NELL1: variants seen among roughly 807,000 people sequenced by gnomAD.
NELL1 encodes the protein protein kinase C-binding protein NELL1.
In NELL1, 76 loss-of-function variants were observed where a neutral mutation model predicts 107.4. The ratio of observed to expected loss-of-function variants is 0.71; its 90% CI spans 0.59 to 0.86. The LOEUF (loss-of-function observed/expected upper bound fraction) is 0.86, where lower values mean the gene tolerates loss of function less well. Among genes scored for constraint, NELL1 ranks in the 40% least tolerant of loss-of-function variants. The pLI is 0.00. For synonymous variants in NELL1, 353 were observed against 341.2 expected (o/e 1.03, Z -0.38); for missense variants, 1,024 against 1,005.5 (o/e 1.02, Z -0.25).
intron 12 of NELL1, among the ~76,000 whole-genome samples, chr11:21,040,407 A>G (rs1056520936): frequency 3.9e-5 from 6 of 152,106 alleles, no homozygotes; most frequent in Admixed American, 2.6e-4. Context: ...TGCTGTATTA[A>G]TTAAGTAGTT....
At chr11:21,459,144 G>A (rs1053465237) in intron 15 of NELL1, among the ~76,000 whole-genome samples, 2 of 151,964 alleles carry the variant, frequency 1.3e-5, no homozygotes, top group African/African-American at 4.8e-5. Flanking sequence ...GACTTAAAAT[G>A]TATAGGGTAG....
chr11:21,317,066 T>C (rs1849894948), intron 14 of NELL1, among the ~76,000 whole-genome samples: 1 of 152,272 alleles, frequency 6.6e-6, no homozygotes, highest in Non-Finnish European at 1.5e-5. Flanking sequence ...TAGGTTAGTA[T>C]AAATACTAGA....
At chr11:21,340,867 G>C (rs2133702611) in intron 14 of NELL1, among the ~76,000 whole-genome samples, 1 of 152,218 alleles carries the variant, frequency 6.6e-6, no homozygotes, top group African/African-American at 2.4e-5. Flanking sequence ...CTGTGAGACA[G>C]TAAATTTATG....
At chr11:20,944,841 A>G (rs1320918429) in intron 10 of NELL1, among the ~76,000 whole-genome samples, 1 of 152,220 alleles carries the variant, frequency 6.6e-6, no homozygotes, top group Non-Finnish European at 1.5e-5. Context: ...TAAATATGTT[A>G]AAGGTTGATT....
At chr11:21,011,482 C>T (rs147038117) in intron 12 of NELL1, among the ~76,000 whole-genome samples, 1 of 152,202 alleles carries the variant, frequency 6.6e-6, no homozygotes, top group Non-Finnish European at 1.5e-5. Context: ...TATGTTGGAC[C>T]AAAATAACCA....
chr11:21,561,182 T>C (rs1024146832), intron 17 of NELL1, among the ~76,000 whole-genome samples: 2 of 152,186 alleles, frequency 1.3e-5, no homozygotes, highest in Middle Eastern at 6.8e-3. Flanking sequence ...GGAACCAAGA[T>C]AAATTACTTG....
intron 2 of NELL1, among the ~76,000 whole-genome samples, chr11:20,733,869 T>A (rs940616244): frequency 1.3e-5 from 2 of 152,236 alleles, no homozygotes; most frequent in South Asian, 4.1e-4. Flanking sequence ...GTCTTTGCCC[T>A]CATGGACTTT....
In NELL1 at chr11:21,296,353, G is replaced by A. The variant is rs553607534; in HGVS notation, c.1549+66899G>A. ...ATAATTAGTTATTATTCCTGGGAGCGTAGTCTCACAATTGCAAATATTGAA... is the reference window on the plus strand; with the variant it reads ...ATAATTAGTTATTATTCCTGGGAGCATAGTCTCACAATTGCAAATATTGAA... On this transcript the variant is annotated intron_variant, in intron 14 of 19. Transcript: ENST00000357134. Among the ~76,000 whole-genome samples, 119 of 151,880 alleles carry A rather than the reference G, an allele frequency of 7.8e-4. 2 individuals carry two copies. The South Asian group carries it at 0.022, about 28-fold the overall frequency.
At chr11:21,157,162 T>TAG (rs1856259806) in intron 13 of NELL1, among the ~76,000 whole-genome samples, 2 of 86,416 alleles carry the variant, frequency 2.3e-5, no homozygotes, top group Non-Finnish European at 5.9e-5. Context: ...TATATATATA[T>TAG]GTGTGTGTGT....
chr11:20,688,768 G>C (rs1018969615), intron 2 of NELL1, among the ~76,000 whole-genome samples: 43 of 152,132 alleles, frequency 2.8e-4, no homozygotes, highest in African/African-American at 9.2e-4. Flanking sequence ...CCAGTGATGG[G>C]ATTGTGAGTC....
intron 13 of NELL1, among the ~76,000 whole-genome samples, chr11:21,141,212 A>C (rs758720529): frequency 3.0e-4 from 46 of 152,338 alleles, no homozygotes; most frequent in Non-Finnish European, 5.4e-4. Context: ...CAAATTTGAG[A>C]TCTCAAGTGC....
intron 5 of NELL1, among the ~76,000 whole-genome samples, chr11:20,905,541 C>G (rs11025809): frequency 0.92 from 140,158 of 152,182 alleles, 64,702 homozygotes; most frequent in East Asian, 1. Context: ...AAATAAGTCA[C>G]GAAAATGATG....
At chr11:21,424,319 G>T (rs1852765910) in intron 15 of NELL1, among the ~76,000 whole-genome samples, 1 of 152,052 alleles carries the variant, frequency 6.6e-6, no homozygotes, top group Non-Finnish European at 1.5e-5. Context: ...AGGATTATAG[G>T]AGAGTACTGT....
At chr11:20,801,398 T>C in intron 3 of NELL1, among the ~76,000 whole-genome samples, 1 of 152,276 alleles carries the variant, frequency 6.6e-6, no homozygotes. Flanking sequence ...CTTTCAGACC[T>C]TTTGCCCATT....
intron 14 of NELL1, among the ~76,000 whole-genome samples, chr11:21,251,207 A>G (rs1032032344): frequency 2.6e-5 from 4 of 152,128 alleles, no homozygotes; most frequent in Admixed American, 2.6e-4. Flanking sequence ...CTTACTTTTT[A>G]AAAAACAGCA....
At chr11:21,295,960 T>C (rs1031584148) in intron 14 of NELL1, among the ~76,000 whole-genome samples, 4 of 152,044 alleles carry the variant, frequency 2.6e-5, no homozygotes, top group African/African-American at 9.7e-5. Flanking sequence ...AGTCTACTGA[T>C]GAAGACTCTC....
chr11:20,942,554 A>G (rs916850697), intron 10 of NELL1, among the ~76,000 whole-genome samples: 1 of 152,192 alleles, frequency 6.6e-6, no homozygotes, highest in Non-Finnish European at 1.5e-5. Flanking sequence ...TGTTGTGTAG[A>G]TTAAATGAGA....
chr11:20,788,436 C>G (rs1162844953), intron 3 of NELL1, among the ~76,000 whole-genome samples: 1 of 152,204 alleles, frequency 6.6e-6, no homozygotes, highest in African/African-American at 2.4e-5. Context: ...TTTTGAGTTG[C>G]ATTTGCTTGA....
intron 14 of NELL1, among the ~76,000 whole-genome samples, chr11:21,282,062 C>A (rs929364133): frequency 6.6e-6 from 1 of 152,030 alleles, no homozygotes; most frequent in South Asian, 2.1e-4. Context: ...GAAAGACAAC[C>A]TACAGATGGG....
Sources: gnomAD v4.1 joint callset for allele counts (sites outside exome capture counted in the v4.1 genomes callset) on GRCh38, gnomAD v4.1.1 for gene constraint, MANE v1.5 for transcripts, NCBI Gene and HGNC (gene_info 2026-07-23, HGNC 2026-07-21) for gene names.